ADAM10: variants seen among roughly 807,000 people sequenced by gnomAD.
ADAM10 encodes the protein ADAM metallopeptidase domain 10, also known as disintegrin and metalloproteinase domain-containing protein 10.
A neutral mutation model predicts 90.1 loss-of-function variants in ADAM10; 17 were observed. The ratio of observed to expected loss-of-function variants is 0.19; its 90% CI spans 0.13 to 0.28. The LOEUF is 0.28. Among genes scored for constraint, ADAM10 ranks in the 10% least tolerant of loss-of-function variants. The pLI, the probability that ADAM10 is intolerant of heterozygous loss-of-function variation, is 1.00. For missense variants in ADAM10, 610 were observed against 914.3 expected (o/e 0.67, Z 4.29); for synonymous variants, 310 against 298.6 (o/e 1.04, Z -0.40).
chr15:58,615,100 C>A (rs1268715622), intron 11 of ADAM10, among the ~76,000 whole-genome samples: 1 of 151,852 alleles, frequency 6.6e-6, no homozygotes, highest in Non-Finnish European at 1.5e-5. Flanking sequence ...CAGTGAAACC[C>A]CATCTCTACT....
intron 2 of ADAM10, among the ~76,000 whole-genome samples, chr15:58,713,400 C>T (rs1463043440): frequency 2.0e-5 from 3 of 152,134 alleles, no homozygotes; most frequent in Admixed American, 2.0e-4. Flanking sequence ...GCCACCATGT[C>T]CAGCAATTCA....
At chr15:58,681,091 G>A (rs1019537293) in intron 3 of ADAM10, among the ~76,000 whole-genome samples, 3 of 152,196 alleles carry the variant, frequency 2.0e-5, no homozygotes, top group Non-Finnish European at 2.9e-5. Flanking sequence ...GATTACAGGT[G>A]TAACTGCTAC....
chr15:58,633,404 T>C, intron 8 of ADAM10, 45 bp from the exon 9 acceptor site: 1 of 1,543,412 alleles, frequency 6.5e-7, no homozygotes, highest in Non-Finnish European at 8.9e-7. Context: ...CTGTTTCCCC[T>C]TACCCCCAAA....
chr15:58,695,695 G>A (rs1466533860), intron 2 of ADAM10, among the ~76,000 whole-genome samples: 1 of 151,860 alleles, frequency 6.6e-6, no homozygotes, highest in African/African-American at 2.4e-5. Flanking sequence ...AAAAAAGAAC[G>A]AACATTCTGG....
chr15:58,718,646 G>C (rs989549721), intron 1 of ADAM10, among the ~76,000 whole-genome samples: 1 of 152,132 alleles, frequency 6.6e-6, no homozygotes, highest in Non-Finnish European at 1.5e-5. Context: ...GGTAAGAAAA[G>C]GCACTACTTA....
In ADAM10 at chr15:58,611,299, C is replaced by T. The variant is rs537780381; in HGVS notation, c.1696-192G>A. The T allele has an allele frequency of 1.5e-4, 83 of 572,328 alleles. No individual in the cohort carries two copies. The South Asian group carries it at 1.7e-3, about 12-fold the overall frequency. The allele number at this position is 572,328 out of a possible 1,614,324, so 35.5% of individuals were successfully genotyped here. On this transcript the variant is annotated intron_variant, in intron 12 of 15. Coordinates refer to ENST00000260408, the MANE Select transcript of ADAM10 (RefSeq NM_001110.4). Reference sequence around the variant, plus strand: ...TGAAAAAATTTGAAAAACAGTAAATCCAAGAAAGATAGTAAATCTTTTAAA... The same window carrying T: ...TGAAAAAATTTGAAAAACAGTAAATTCAAGAAAGATAGTAAATCTTTTAAA...
chr15:58,642,464 CA>C (rs1237524265), intron 7 of ADAM10, among the ~76,000 whole-genome samples: 37 of 113,936 alleles, frequency 3.2e-4, no homozygotes, highest in South Asian at 1.4e-3. Flanking sequence ...GACTCCTTCT[CA>C]AAAAAAAAAA....
chr15:58,715,149 T>A (rs1334407326), intron 2 of ADAM10, among the ~76,000 whole-genome samples: 3 of 152,090 alleles, frequency 2.0e-5, no homozygotes, highest in Non-Finnish European at 4.4e-5. Flanking sequence ...GGGCCAGGTA[T>A]GGTGGCTCAT....
At chr15:58,687,067 T>C (rs77736868) in intron 2 of ADAM10, among the ~76,000 whole-genome samples, 9 of 152,248 alleles carry the variant, frequency 5.9e-5, no homozygotes, top group Admixed American at 2.0e-4. Flanking sequence ...AAAAATTTGT[T>C]CTTTTCTCAT....
At chr15:58,638,442 C>G (rs1896325794) in intron 8 of ADAM10, among the ~76,000 whole-genome samples, 2 of 151,550 alleles carry the variant, frequency 1.3e-5, no homozygotes, top group Admixed American at 6.6e-5. Context: ...GGTGAAACCC[C>G]ATCTCCACTA....
At chr15:58,713,192 C>T (rs1310833899) in intron 2 of ADAM10, among the ~76,000 whole-genome samples, 1 of 152,168 alleles carries the variant, frequency 6.6e-6, no homozygotes, top group Non-Finnish European at 1.5e-5. Context: ...CCTCAACCTT[C>T]CTAGACTCAA....
chr15:58,658,057 TG>T (rs1488979785), intron 5 of ADAM10, among the ~76,000 whole-genome samples: 1 of 152,186 alleles, frequency 6.6e-6, no homozygotes, highest in Admixed American at 6.5e-5. Flanking sequence ...AGTTTATACA[TG>T]TTTTTCATAG....
At chr15:58,610,566 G>A (rs1180506826) in intron 13 of ADAM10, 49 bp from the exon 14 acceptor site, 1 of 1,559,468 alleles carries the variant, frequency 6.4e-7, no homozygotes, top group South Asian at 1.1e-5. Flanking sequence ...TCAAATATAA[G>A]TTGAAGATCA....
chr15:58,687,129 G>A (rs569951615), intron 2 of ADAM10, among the ~76,000 whole-genome samples: 13 of 152,340 alleles, frequency 8.5e-5, no homozygotes, highest in Admixed American at 5.9e-4. Flanking sequence ...CTGGGAGGAA[G>A]AATAGGCTTT....
intron 1 of ADAM10, among the ~76,000 whole-genome samples, chr15:58,726,479 C>T (rs189757756): frequency 6.1e-4 from 84 of 138,344 alleles, no homozygotes; most frequent in Non-Finnish European, 5.4e-4. Flanking sequence ...GCATGAGAAT[C>T]GCTTAAACGC....
intron 7 of ADAM10, among the ~76,000 whole-genome samples, chr15:58,642,782 G>C (rs1208276088): frequency 6.6e-6 from 1 of 152,056 alleles, no homozygotes; most frequent in East Asian, 1.9e-4. Context: ...TCTTATCACT[G>C]TTACTTGCTC....
intron 8 of ADAM10, among the ~76,000 whole-genome samples, chr15:58,633,990 A>G (rs1896178954): frequency 6.6e-6 from 1 of 152,108 alleles, no homozygotes; most frequent in South Asian, 2.1e-4. Flanking sequence ...AAATGCGACA[A>G]AAGGTTAATA....
chr15:58,658,907 T>C (rs973182346), intron 5 of ADAM10, among the ~76,000 whole-genome samples: 1 of 152,210 alleles, frequency 6.6e-6, no homozygotes, highest in Admixed American at 6.5e-5. Flanking sequence ...TCCTTTATAA[T>C]CTGTATGCCT....
At chr15:58,619,380 T>C (rs1223948526) in intron 11 of ADAM10, among the ~76,000 whole-genome samples, 1 of 152,028 alleles carries the variant, frequency 6.6e-6, no homozygotes, top group East Asian at 1.9e-4. Context: ...TACAAACACA[T>C]AGAAGGAATG....
Sources: allele counts gnomAD v4.1 joint callset (sites outside exome capture counted in the v4.1 genomes callset), GRCh38; gene constraint gnomAD v4.1.1; transcripts MANE v1.5; gene names NCBI Gene and HGNC (gene_info 2026-07-23, HGNC 2026-07-21).